GATAD2B: variants seen among roughly 807,000 people sequenced by gnomAD.
The protein encoded by GATAD2B is transcriptional repressor p66-beta.
A neutral mutation model predicts 64.3 loss-of-function variants in GATAD2B; 8 were observed. The observed-to-expected ratio is 0.12, with a 90% CI of 0.07 to 0.22. The LOEUF (loss-of-function observed/expected upper bound fraction) is 0.22. Among genes scored for constraint, GATAD2B ranks in the 10% least tolerant of loss-of-function variants. GATAD2B has a pLI of 1.00. For missense variants in GATAD2B, 453 were observed against 752.0 expected (o/e 0.60, Z 4.65); for synonymous variants, 281 against 271.3 (o/e 1.04, Z -0.35).
rs536034721 is a variant in GATAD2B, at chr1:153,910,797, T to C, written c.-2+11936A>G. Among the ~76,000 whole-genome samples the C allele has an allele frequency of 1.6e-4, 24 of 152,236 alleles. No individual in the cohort carries two copies. The South Asian group carries it at 4.8e-3, about 30-fold the overall frequency. Reference sequence around the variant, plus strand: ...ATAAAATAGGCTTTATATTAAATAATTTTGTCCAACTGTAAGCTAATGTAA... The same window carrying C: ...ATAAAATAGGCTTTATATTAAATAACTTTGTCCAACTGTAAGCTAATGTAA... On this transcript the variant is annotated intron_variant, in intron 1 of 10. Transcript: ENST00000368655.
At chr1:153,900,570 C>T (rs2101959725) in intron 1 of GATAD2B, among the ~76,000 whole-genome samples, 1 of 152,186 alleles carries the variant, frequency 6.6e-6, no homozygotes, top group South Asian at 2.1e-4. Context: ...GGCTAGAGTA[C>T]AGTGGTGAGA....
At chr1:153,899,539 G>A (rs1677702834) in intron 1 of GATAD2B, among the ~76,000 whole-genome samples, 1 of 151,116 alleles carries the variant, frequency 6.6e-6, no homozygotes, top group Non-Finnish European at 1.5e-5. Flanking sequence ...TTGCACTCCA[G>A]CCTGGGTAAC....
chr1:153,867,987 T>G (rs1676536534), intron 1 of GATAD2B, among the ~76,000 whole-genome samples: 1 of 152,138 alleles, frequency 6.6e-6, no homozygotes, highest in Non-Finnish European at 1.5e-5. Flanking sequence ...TCACCTGAGG[T>G]CAGGAGTTCA....
intron 1 of GATAD2B, among the ~76,000 whole-genome samples, chr1:153,885,597 G>T (rs1677154176): frequency 6.6e-6 from 1 of 151,760 alleles, no homozygotes; most frequent in Admixed American, 6.6e-5. Flanking sequence ...GCTGGGCGCG[G>T]TGGCTCATGC....
Position 153,922,863 on chromosome 1 carries a change from GGGGCGGGCCGGACCGGGGC to G in GATAD2B, c.-151_-133del, listed in dbSNP as rs1235505943. On this transcript the variant is annotated 5_prime_UTR_variant, in exon 1 of 11. Transcript: ENST00000368655. ...GGACTAGGGACGGGGGTAGGGGAGG[GGGGCGGGCCGGACCGGGGC>G]GGGCGGGCGGAGCAGACACTGCGGT... 6.6e-6 allele frequency: 1 copy of G among 151,894 alleles called. No individual in the cohort carries two copies. The highest frequency in any genetic ancestry group is 1.5e-5 in the Non-Finnish European group (1 of 67,676). The allele number at this position is 151,894 out of a possible 1,614,324, so 9.4% of individuals were successfully genotyped here. A position where few individuals can be genotyped will look rare whatever the true frequency, so the allele number is the denominator to read the frequency against.
At chr1:153,879,146 A>G (rs984701110) in intron 1 of GATAD2B, among the ~76,000 whole-genome samples, 1 of 152,074 alleles carries the variant, frequency 6.6e-6, no homozygotes, top group African/African-American at 2.4e-5. Context: ...TCACTGTCTT[A>G]GCCAGGATCG....
intron 1 of GATAD2B, among the ~76,000 whole-genome samples, chr1:153,842,687 TC>T (rs1675539549): frequency 1.3e-5 from 2 of 152,058 alleles, no homozygotes; most frequent in African/African-American, 4.8e-5. Flanking sequence ...GGAGTTTCAC[TC>T]GTTGCCCAGG....
chr1:153,896,115 C>T (rs1319456792), intron 1 of GATAD2B, among the ~76,000 whole-genome samples: 2 of 151,322 alleles, frequency 1.3e-5, no homozygotes, highest in Non-Finnish European at 2.9e-5. Flanking sequence ...AGCTATGATA[C>T]AGCCACTGCA....
chr1:153,852,180 C>A, intron 1 of GATAD2B: 1 of 868,688 alleles, frequency 1.2e-6, no homozygotes, highest in East Asian at 2.4e-5. Context: ...CATTCTGAGA[C>A]TCAGTCAGTT....
rs1386986807 is a variant in GATAD2B at position 153,805,330 on chromosome 1, G to T, written c.*4847C>A. ...ATTTTATCACCAAGATGGGGGAAAA[G>T]TTACACATCCTGTAGCTCACAAAGG... On this transcript the variant is annotated 3_prime_UTR_variant, in exon 11 of 11. Transcript: ENST00000368655. 6.6e-6 allele frequency: 1 copy of T among 152,168 alleles called. No individual in the cohort carries two copies. The highest frequency in any genetic ancestry group is 1.5e-5 in the Non-Finnish European group (1 of 68,034). The allele number at this position is 152,168 out of a possible 1,614,324, so 9.4% of individuals were successfully genotyped here.
At chr1:153,847,167 A>C (rs555888903) in intron 1 of GATAD2B, among the ~76,000 whole-genome samples, 1 of 152,046 alleles carries the variant, frequency 6.6e-6, no homozygotes, top group Non-Finnish European at 1.5e-5. Flanking sequence ...GGGTTTCGCC[A>C]TGTTGGCCAG....
At chr1:153,826,955 A>AC (rs1553189524) in intron 2 of GATAD2B, among the ~76,000 whole-genome samples, 186 of 146,724 alleles carry the variant, frequency 1.3e-3, no homozygotes, top group Admixed American at 1.6e-3. Context: ...AAAAAAAAAA[A>AC]AAAAAAACTG....
At chr1:153,850,780 GC>G (rs1193101168) in intron 1 of GATAD2B, among the ~76,000 whole-genome samples, 2 of 151,922 alleles carry the variant, frequency 1.3e-5, no homozygotes, top group Non-Finnish European at 2.9e-5. Flanking sequence ...AATTAGCCAG[GC>G]GTGGTGGTGT....
At chr1:153,859,690 A>ATT (rs1676211892) in intron 1 of GATAD2B, among the ~76,000 whole-genome samples, 1 of 150,226 alleles carries the variant, frequency 6.7e-6, no homozygotes, top group African/African-American at 2.4e-5. Context: ...AATAAAAAAA[A>ATT]AAAAAGACCA....
At chr1:153,908,669 T>C (rs765248868) in intron 1 of GATAD2B, among the ~76,000 whole-genome samples, 1 of 150,326 alleles carries the variant, frequency 6.7e-6, no homozygotes, top group South Asian at 2.1e-4. Flanking sequence ...GGATTCTCCA[T>C]ATTGATCAGG....
At chr1:153,844,722 T>C (rs1378290914) in intron 1 of GATAD2B, among the ~76,000 whole-genome samples, 1 of 119,952 alleles carries the variant, frequency 8.3e-6, no homozygotes, top group Non-Finnish European at 1.6e-5. Flanking sequence ...TGAGATCACA[T>C]GGACACACGA....
intron 1 of GATAD2B, among the ~76,000 whole-genome samples, chr1:153,834,000 G>C (rs1228633408): frequency 6.7e-6 from 1 of 148,482 alleles, no homozygotes; most frequent in Non-Finnish European, 1.5e-5. Context: ...GTTTTTTTTT[G>C]GTTGTTTTTT....
chr1:153,844,292 T>C (rs1469751036), intron 1 of GATAD2B, among the ~76,000 whole-genome samples: 1 of 151,970 alleles, frequency 6.6e-6, no homozygotes, highest in East Asian at 1.9e-4. Context: ...CTGTTCTTAG[T>C]AGCCAGATTA....
At chr1:153,819,032 C>G (rs1570930112) in intron 3 of GATAD2B, 110 bp from the exon 4 acceptor site, 1 of 1,080,316 alleles carries the variant, frequency 9.3e-7, no homozygotes, top group East Asian at 2.5e-5. Context: ...CCACAAGAAG[C>G]AGAAGTGGCA....
Sources: allele counts gnomAD v4.1 joint callset (sites outside exome capture counted in the v4.1 genomes callset), GRCh38; gene constraint gnomAD v4.1.1; transcripts MANE v1.5; gene names NCBI Gene and HGNC (gene_info 2026-07-23, HGNC 2026-07-21).